Variants in ATP5MG observed in about 807,000 individuals in gnomAD.
ATP5MG encodes the protein ATP synthase membrane subunit g.
In ATP5MG, 7 loss-of-function variants were observed where a neutral mutation model predicts 12.7. That is an observed-to-expected ratio of 0.55 (90% CI 0.31 to 1.04). ATP5MG has a LOEUF of 1.04. Ranked by LOEUF, ATP5MG falls within the 50% of genes least tolerant of loss-of-function variation. The probability of loss-of-function intolerance (pLI) is 0.05; values close to 1 mark genes in which losing one functional copy is unlikely to be tolerated. For synonymous variants in ATP5MG, 53 were observed against 48.2 expected, an observed-to-expected ratio of 1.10 and a Z score of -0.41; for missense variants, 116 against 126.7, an observed-to-expected ratio of 0.92 and a Z score of 0.41.
At chr11:118,402,612 G>A (rs972170481) in intron 1 of ATP5MG, among the ~76,000 whole-genome samples, 4 of 151,600 alleles carry the variant, frequency 2.6e-5, no homozygotes, top group Non-Finnish European at 5.9e-5. Context: ...TGAATAGAAA[G>A]CAGAACTTCA....
chr11:118,407,207 C>T (rs1948980413), intron 2 of ATP5MG, 110 bp downstream of exon 2: 2 of 1,451,770 alleles, frequency 1.4e-6, no homozygotes, highest in Non-Finnish European at 1.8e-6. Context: ...CTGAATCCAG[C>T]ATAATGAGGA....
intron 1 of ATP5MG, 120 bp downstream of exon 1, chr11:118,401,837 G>A (rs1367114470): frequency 1.9e-5 from 23 of 1,227,650 alleles, no homozygotes; most frequent in Non-Finnish European, 2.4e-5. Flanking sequence ...GGGCGGGATG[G>A]CCTGCAGGTG....
chr11:118,401,885 C>A, intron 1 of ATP5MG, 168 bp downstream of exon 1: 1 of 729,766 alleles, frequency 1.4e-6, no homozygotes, highest in Non-Finnish European at 2.2e-6. Flanking sequence ...CTTTTCTAGC[C>A]TTCCACTCGT....
chr11:118,408,524 C>T (rs547567869), intron 2 of ATP5MG, among the ~76,000 whole-genome samples: 1 of 152,254 alleles, frequency 6.6e-6, no homozygotes, highest in African/African-American at 2.4e-5. Context: ...AGAGTTAAGT[C>T]AAATACTGAA....
At chr11:118,403,495 C>CAA (rs1202269527) in intron 1 of ATP5MG, among the ~76,000 whole-genome samples, 26 of 112,606 alleles carry the variant, frequency 2.3e-4, no homozygotes, top group African/African-American at 7.6e-4. Context: ...GGCTAGGTCT[C>CAA]AAAAAAAAAA....
rs782016338 is a variant in ATP5MG, at chr11:118,401,645, C to A, written c.-21C>A. The A allele has an allele frequency of 1.2e-6, 2 of 1,614,022 alleles. No individual in the cohort carries two copies. Among genetic ancestry groups the A allele is most frequent in the Admixed American group, 1.7e-5 (1 of 60,024 alleles). On this transcript the variant is annotated 5_prime_UTR_variant, in exon 1 of 3. Transcript: ENST00000300688. ...ACATTCAGCCGGCGGTTCGGGGCGA[C>A]GGACTCTCCATTCCAGAACCATGGC...
chr11:118,408,885 C>T (rs1325621316), intron 2 of ATP5MG, 115 bp from the exon 3 acceptor site: 1 of 287,276 alleles, frequency 3.5e-6, no homozygotes, highest in Non-Finnish European at 5.7e-6. Flanking sequence ...TGAATAGCAT[C>T]TTTTATGTTC....
At chr11:118,406,578 A>G (rs1948973548) in intron 1 of ATP5MG, 1 of 204,508 alleles carries the variant, frequency 4.9e-6, no homozygotes, top group Admixed American at 5.2e-5. Context: ...GAAAATATGA[A>G]TAAATTGACT....
chr11:118,405,946 T>C (rs1271316358), intron 1 of ATP5MG, among the ~76,000 whole-genome samples: 4 of 152,180 alleles, frequency 2.6e-5, no homozygotes, highest in African/African-American at 9.7e-5. Flanking sequence ...CACTGCAACC[T>C]CTGGCTCCCG....
In ATP5MG at chr11:118,406,992, T is replaced by G. The variant is rs200138806; in HGVS notation, c.108T>G (p.Val36=). 218 of 1,614,124 alleles carry G rather than the reference T, an allele frequency of 1.4e-4. No individual in the cohort carries two copies. Among genetic ancestry groups the G allele is most frequent in the Non-Finnish European group, 2.4e-5 (28 of 1,179,990 alleles). ...RLATFWYYAK[V]ELVPPTPAEI... Reference sequence around the variant, plus strand: ...CCACATTTTGGTACTACGCCAAGGTTGAGCTGGTTCCTCCCACCCCTGCTG... The same window carrying G: ...CCACATTTTGGTACTACGCCAAGGTGGAGCTGGTTCCTCCCACCCCTGCTG... Residue 36 remains valine (V), a synonymous_variant, in exon 2 of 3, where the codon GTT becomes GTG. Transcript: ENST00000300688.
chr11:118,401,787 A>T (rs868935019), intron 1 of ATP5MG, 70 bp downstream of exon 1: 5 of 1,565,692 alleles, frequency 3.2e-6, no homozygotes, highest in Non-Finnish European at 3.5e-6. Flanking sequence ...CCTGAGAGGA[A>T]GAAGCGGGCT....
intron 2 of ATP5MG, among the ~76,000 whole-genome samples, chr11:118,408,093 C>T (rs984607277): frequency 9.2e-5 from 14 of 152,102 alleles, no homozygotes; most frequent in Admixed American, 7.9e-4. Context: ...ACCTGGGAGG[C>T]GGAGCTTGCA....
chr11:118,406,268 T>A (rs188730851), intron 1 of ATP5MG: 1 of 152,432 alleles, frequency 6.6e-6, no homozygotes, highest in Non-Finnish European at 1.5e-5. Context: ...AAATAGTAAA[T>A]ACCTTGAGGA....
chr11:118,405,745 G>A, intron 1 of ATP5MG: 1 of 978,974 alleles, frequency 1.0e-6, no homozygotes, highest in Non-Finnish European at 1.2e-6. Flanking sequence ...AGATGAGGGA[G>A]ATAGTAATTC....
chr11:118,402,008 T>TA (rs1296666645), intron 1 of ATP5MG: 1 of 409,206 alleles, frequency 2.4e-6, no homozygotes. Flanking sequence ...CTGCAACCAT[T>TA]ACGCCCCCTG....
chr11:118,409,356 A>G lies in ATP5MG; in HGVS notation c.*258A>G. ...TAACCTGGTACATGAATATATGGGG[A>G]TAACATTTTAATTTGAAGGTTTGGA... On this transcript the variant is annotated 3_prime_UTR_variant, in exon 3 of 3. Coordinates refer to ENST00000300688, the MANE Select transcript of ATP5MG (RefSeq NM_006476.5). 5.2e-6 allele frequency: 1 copy of G among 193,874 alleles called. No individual in the cohort carries two copies. The highest frequency in any genetic ancestry group is 1.1e-5 in the Non-Finnish European group (1 of 95,044). 12.0% of individuals were successfully genotyped at this position (193,874 alleles called of 1,614,324 possible).
At chr11:118,405,025 A>G (rs187313798) in intron 1 of ATP5MG, among the ~76,000 whole-genome samples, 259 of 152,314 alleles carry the variant, frequency 1.7e-3, no homozygotes, top group African/African-American at 5.9e-3. Context: ...CCTTTCTGAT[A>G]CTACAAGATG....
Position 118,409,010 on chromosome 11 carries a change from T to C in ATP5MG, c.224T>C (p.Leu75Pro). The C allele has an allele frequency of 1.3e-6, 2 of 1,595,022 alleles. No individual in the cohort carries two copies. The highest frequency in any genetic ancestry group is 1.7e-6 in the Non-Finnish European group (2 of 1,170,536). ...FKQLTVKEAV[L>P]NGLVATEVLM... ...TGCTTCTTTTTTCAGGAAGCTGTGCTGAATGGTTTGGTGGCCACTGAGGTG... is the reference window on the plus strand; with the variant it reads ...TGCTTCTTTTTTCAGGAAGCTGTGCCGAATGGTTTGGTGGCCACTGAGGTG... The change falls in exon 3 of 3, where the codon CTG (leucine) becomes CCG (proline). Residue 75 changes from leucine to proline, a missense_variant. By Grantham distance (98) the Leu-to-Pro change is moderately conservative. Coordinates refer to ENST00000300688, the MANE Select transcript of ATP5MG (RefSeq NM_006476.5).
At chr11:118,407,454 C>G (rs1199485128) in intron 2 of ATP5MG, 2 of 194,922 alleles carry the variant, frequency 1.0e-5, no homozygotes, top group Non-Finnish European at 2.1e-5. Context: ...GTCCCCAATT[C>G]AGCCAAAACA....
Sources: allele counts gnomAD v4.1 joint callset (sites outside exome capture counted in the v4.1 genomes callset), GRCh38; gene constraint gnomAD v4.1.1; transcripts MANE v1.5; gene names NCBI Gene and HGNC (gene_info 2026-07-23, HGNC 2026-07-21).